The following KCNQ3 variants were observed in gnomAD, a reference collection of about 807,000 sequenced individuals.
The protein encoded by KCNQ3 is potassium voltage-gated channel subfamily KQT member 3.
Under a neutral mutation model 92.5 loss-of-function variants are expected in KCNQ3, and 30 were observed. The ratio of observed to expected loss-of-function variants is 0.32; its 90% CI spans 0.24 to 0.44. The LOEUF (loss-of-function observed/expected upper bound fraction) is 0.44, where lower values mean the gene tolerates loss of function less well. Among genes scored for constraint, KCNQ3 ranks in the 20% least tolerant of loss-of-function variants. KCNQ3 has a pLI of 1.00. For missense variants in KCNQ3, 913 were observed against 1,140.3 expected (o/e 0.80, Z 2.87); for synonymous variants, 450 against 468.8 (o/e 0.96, Z 0.52).
chr8:132,245,807 CT>C (rs544494758), intron 1 of KCNQ3, among the ~76,000 whole-genome samples: 6 of 152,186 alleles, frequency 3.9e-5, no homozygotes, highest in Non-Finnish European at 7.3e-5. Context: ...CTGCTACATC[CT>C]TGTACATGCC....
intron 1 of KCNQ3, among the ~76,000 whole-genome samples, chr8:132,394,610 C>T (rs1369315474): frequency 1.3e-5 from 2 of 152,062 alleles, no homozygotes; most frequent in South Asian, 2.1e-4. Flanking sequence ...CAGAGATCTA[C>T]GAGTGAAAGT....
intron 1 of KCNQ3, among the ~76,000 whole-genome samples, chr8:132,455,876 G>A (rs1369618905): frequency 6.6e-6 from 1 of 151,970 alleles, no homozygotes; most frequent in Non-Finnish European, 1.5e-5. Context: ...CAAGTAGCTG[G>A]GACTACAGGC....
intron 1 of KCNQ3, among the ~76,000 whole-genome samples, chr8:132,271,723 C>T (rs563940891): frequency 2.0e-5 from 3 of 152,332 alleles, no homozygotes; most frequent in African/African-American, 7.2e-5. Context: ...CATCTCTCCA[C>T]CCTCCATAGC....
intron 1 of KCNQ3, among the ~76,000 whole-genome samples, chr8:132,248,002 CAG>C (rs1815243940): frequency 6.6e-6 from 1 of 152,002 alleles, no homozygotes; most frequent in South Asian, 2.1e-4. Context: ...GAGGTGGAAA[CAG>C]AGACACTAAA....
chr8:132,449,431 C>T (rs1386720695), intron 1 of KCNQ3, among the ~76,000 whole-genome samples: 1 of 152,024 alleles, frequency 6.6e-6, no homozygotes, highest in Admixed American at 6.6e-5. Flanking sequence ...TCCACACCAG[C>T]CTCTCCAACT....
intron 1 of KCNQ3, among the ~76,000 whole-genome samples, chr8:132,475,722 G>T (rs896393944): frequency 1.3e-5 from 2 of 152,216 alleles, no homozygotes; most frequent in African/African-American, 4.8e-5. Context: ...AGAGCATAAG[G>T]ATTTAGAAAA....
chr8:132,244,920 C>CAAAAAAAAAAAAA (rs35215337), intron 1 of KCNQ3, among the ~76,000 whole-genome samples: 1 of 112,376 alleles, frequency 8.9e-6, no homozygotes, highest in Non-Finnish European at 1.7e-5. Flanking sequence ...CTCACTTGAC[C>CAAAAAAAAAAAAA]AAAAAAAAAA....
chr8:132,226,126 C>T (rs925584215), intron 1 of KCNQ3, among the ~76,000 whole-genome samples: 7 of 152,080 alleles, frequency 4.6e-5, no homozygotes, highest in Non-Finnish European at 7.3e-5. Flanking sequence ...AAAAAATTAG[C>T]CGGACATGGT....
rs771582947 is a variant in KCNQ3, at chr8:132,129,925, C to A, written c.1956G>T (p.Val652=). Reference sequence around the variant, plus strand: ...TGGTTGGGTAATACTCCGTGACCTGCACCTGCAACCGTTCCATGTGTTGCA... The same window carrying A: ...TGGTTGGGTAATACTCCGTGACCTGAACCTGCAACCGTTCCATGTGTTGCA... ...MHMQHMERLQ[V]QVTEYYPTKG... is the part of the protein sequence containing the mutation. The change falls in exon 15 of 15, where the codon GTG becomes GTT. Residue 652 remains valine, a synonymous_variant. Transcript: ENST00000388996. The surrounding 1 kb of genome is among the most constrained non-coding windows in gnomAD (Gnocchi z 5.9). 5.0e-6 allele frequency: 8 copies of A among 1,614,182 alleles called. No individual in the cohort carries two copies. The East Asian group carries it at 1.1e-4, about 22-fold the overall frequency.
At chr8:132,268,325 C>T (rs143234879) in intron 1 of KCNQ3, among the ~76,000 whole-genome samples, 272 of 152,286 alleles carry the variant, frequency 1.8e-3, no homozygotes, top group African/African-American at 6.5e-3. Flanking sequence ...CACCCAGCAG[C>T]GCGATCTTGG....
At chr8:132,349,874 A>T (rs887391425) in intron 1 of KCNQ3, among the ~76,000 whole-genome samples, 2 of 152,244 alleles carry the variant, frequency 1.3e-5, no homozygotes, top group Admixed American at 1.3e-4. Context: ...GTTACACAGC[A>T]TTTTTGTGAC....
intron 1 of KCNQ3, among the ~76,000 whole-genome samples, chr8:132,191,027 G>A (rs1309381973): frequency 1.3e-5 from 2 of 152,202 alleles, no homozygotes; most frequent in Non-Finnish European, 2.9e-5. Context: ...CAATTTCAGC[G>A]ATTAGCAATG....
At chr8:132,374,970 T>C (rs75455830) in intron 1 of KCNQ3, among the ~76,000 whole-genome samples, 28,607 of 152,140 alleles carry the variant, frequency 0.19, 3,534 homozygotes, top group African/African-American at 0.35. Flanking sequence ...CTATTGTGAA[T>C]AGGGCTGCAG....
chr8:132,295,901 G>C (rs1817006540), intron 1 of KCNQ3, among the ~76,000 whole-genome samples: 3 of 152,172 alleles, frequency 2.0e-5, no homozygotes, highest in Non-Finnish European at 4.4e-5. Flanking sequence ...GGAAGGGAGA[G>C]CATCAGGATA....
chr8:132,223,920 A>T (rs1437812), intron 1 of KCNQ3, among the ~76,000 whole-genome samples: 2 of 151,596 alleles, frequency 1.3e-5, no homozygotes, highest in East Asian at 1.9e-4. Context: ...TCTAACCACC[A>T]GGATCATATT....
chr8:132,464,383 T>C (rs1286652060), intron 1 of KCNQ3, among the ~76,000 whole-genome samples: 1 of 152,208 alleles, frequency 6.6e-6, no homozygotes, highest in African/African-American at 2.4e-5. Context: ...GAGGCTGGCA[T>C]TGTGTCCATT....
Position 132,122,849 on chromosome 8 carries a change from AAC to A in KCNQ3, c.*6411_*6412del, listed in dbSNP as rs1425908728. On this transcript the variant is annotated 3_prime_UTR_variant, in exon 15 of 15. Transcript: ENST00000388996. Reference sequence around the variant, plus strand: ...AACAATGAAGATGTTCATTTGAGCCAACAGAGGCCTGTTTACTTCCTAAAATA... The same window carrying A: ...AACAATGAAGATGTTCATTTGAGCCAAGAGGCCTGTTTACTTCCTAAAATA... The A allele has an allele frequency of 6.6e-6, 1 of 152,232 alleles. No homozygotes were observed. The highest frequency in any genetic ancestry group is 2.4e-5 in the African/African-American group (1 of 41,464). The allele number at this position is 152,232 out of a possible 1,614,324, so 9.4% of individuals were successfully genotyped here.
At chr8:132,304,850 A>C (rs1341639292) in intron 1 of KCNQ3, among the ~76,000 whole-genome samples, 1 of 152,154 alleles carries the variant, frequency 6.6e-6, no homozygotes, top group African/African-American at 2.4e-5. Flanking sequence ...GCCTAGAGTC[A>C]TAATTCTCAA....
intron 1 of KCNQ3, among the ~76,000 whole-genome samples, chr8:132,432,717 A>G (rs2130826094): frequency 6.6e-6 from 1 of 152,090 alleles, no homozygotes; most frequent in South Asian, 2.1e-4. Context: ...CTCACATCCT[A>G]TCTCTGTCAT....
Sources: gnomAD v4.1 joint callset for allele counts (sites outside exome capture counted in the v4.1 genomes callset) on GRCh38, gnomAD v4.1.1 for gene constraint, Gnocchi (gnomAD v3.1) non-coding constraint, MANE v1.5 for transcripts, NCBI Gene and HGNC (gene_info 2026-07-23, HGNC 2026-07-21) for gene names.